NAV3: variants seen among roughly 807,000 people sequenced by gnomAD.
NAV3 encodes pore membrane and/or filament interacting like protein 1.
Under a neutral mutation model 244.7 loss-of-function variants are expected in NAV3, and 87 were observed. The ratio of observed to expected loss-of-function variants is 0.36; its 90% CI spans 0.30 to 0.42. The LOEUF (loss-of-function observed/expected upper bound fraction) is 0.42, where lower values mean the gene tolerates loss of function less well. Among genes scored for constraint, NAV3 ranks in the 20% least tolerant of loss-of-function variants. NAV3 has a pLI of 1.00. For missense variants in NAV3, 2,663 were observed against 2,893.3 expected, an observed-to-expected ratio of 0.92 and a Z score of 1.83; for synonymous variants, 1,126 against 1,042.2, an observed-to-expected ratio of 1.08 and a Z score of -1.55.
chr12:78,105,870 A>G (rs1309742716), intron 12 of NAV3, among the ~76,000 whole-genome samples: 2 of 151,610 alleles, frequency 1.3e-5, no homozygotes, highest in Admixed American at 6.6e-5. Context: ...TGAATTTGGC[A>G]TATGATATAA....
intron 9 of NAV3, among the ~76,000 whole-genome samples, chr12:78,032,389 A>G (rs1434616581): frequency 6.6e-6 from 1 of 152,210 alleles, no homozygotes; most frequent in Non-Finnish European, 1.5e-5. Flanking sequence ...AAGGTAATAA[A>G]TTATGGTTTG....
intron 2 of NAV3, among the ~76,000 whole-genome samples, chr12:77,719,610 A>G (rs1876519020): frequency 6.6e-6 from 1 of 152,068 alleles, no homozygotes; most frequent in Non-Finnish European, 1.5e-5. Context: ...TGAGTTACAT[A>G]TGTTCAACCC....
In NAV3 at chr12:77,880,581, A is replaced by G. The variant is rs529628376; in HGVS notation, c.243+48877A>G. Among the ~76,000 whole-genome samples the G allele has an allele frequency of 5.3e-5, 8 of 152,244 alleles. No individual in the cohort carries two copies. In the East Asian group the frequency reaches 1.5e-3, roughly 29 times the overall value. Reference sequence around the variant, plus strand: ...CCTACTCTGCCAATTATGACCAGAGATATTATAATTGCAGTAAGGTACTGC... The same window carrying G: ...CCTACTCTGCCAATTATGACCAGAGGTATTATAATTGCAGTAAGGTACTGC... On this transcript the variant is annotated intron_variant, in intron 1 of 39. Transcript: ENST00000397909.
intron 1 of NAV3, among the ~76,000 whole-genome samples, chr12:77,897,844 C>A (rs978290996): frequency 1.3e-5 from 2 of 152,120 alleles, no homozygotes; most frequent in Non-Finnish European, 2.9e-5. Context: ...GAGTGTGTAT[C>A]TTTGTATTTA....
At position 77,595,678 on chromosome 12, in the gene NAV3, A is replaced by G. The variant is rs570064962; in HGVS notation, c.72+23412A>G. Among the ~76,000 whole-genome samples the G allele has an allele frequency of 5.9e-5, 9 of 152,310 alleles. No homozygotes were observed. The East Asian group carries it at 1.2e-3, about 20-fold the overall frequency. ...TATAATTTTCATTACAAAAAAGAAC[A>G]TATCTTACCAATTTTTATCTTCTAG... On this transcript the variant is annotated intron_variant, in intron 2 of 8. Transcript: ENST00000550042.
chr12:77,739,625 T>C (rs572899542), intron 2 of NAV3, among the ~76,000 whole-genome samples: 1 of 152,162 alleles, frequency 6.6e-6, no homozygotes, highest in African/African-American at 2.4e-5. Context: ...AATTGTACCT[T>C]ACTGATTTAA....
chr12:77,722,678 A>G (rs1428579354), intron 2 of NAV3, among the ~76,000 whole-genome samples: 1 of 152,070 alleles, frequency 6.6e-6, no homozygotes, highest in Admixed American at 6.6e-5. Flanking sequence ...AAGAGTGTCC[A>G]GGCTGTTTCC....
In NAV3 at chr12:78,116,875, A is replaced by G. The variant is rs1416421164; in HGVS notation, c.2740A>G (p.Ile914Val). The G allele has an allele frequency of 1.2e-6, 2 of 1,613,238 alleles. No individual in the cohort carries two copies. The highest frequency in any genetic ancestry group is 1.7e-5 in the Admixed American group (1 of 59,956). The stretch of plus-strand genomic sequence containing the variant: ...ATCCTCTGTCAGCTCTTACTCCAAC[A>G]TCACCGTCCCCTCTAGGAAGAATAC... ...TTSSVSSYSN[I>V]TVPSRKNTQL... is the part of the protein sequence containing the mutation. The change falls in exon 13 of 40, where the codon ATC (isoleucine) becomes GTC (valine). Residue 914 changes from isoleucine (I) to valine (V), a missense_variant. Around this residue, in one of 6 missense-constraint regions of NAV3, gnomAD observed 1,521 missense variants for 1,497.0 expected, o/e 1.02. Coordinates refer to ENST00000397909, the MANE Select transcript of NAV3 (RefSeq NM_001024383.2).
chr12:78,185,739 A>T (rs2139807524), intron 31 of NAV3, 41 bp downstream of exon 31: 1 of 1,510,788 alleles, frequency 6.6e-7, no homozygotes, highest in Non-Finnish European at 9.1e-7. Context: ...TAACAATGAG[A>T]ATTACCATGA....
intron 5 of NAV3, among the ~76,000 whole-genome samples, chr12:77,985,344 T>G (rs1463638865): frequency 6.6e-6 from 1 of 152,214 alleles, no homozygotes; most frequent in Non-Finnish European, 1.5e-5. Flanking sequence ...AACACTGAAC[T>G]AAGTTTAGTT....
intron 7 of NAV3, among the ~76,000 whole-genome samples, chr12:78,004,641 G>A (rs1462384901): frequency 6.6e-6 from 1 of 152,164 alleles, no homozygotes; most frequent in East Asian, 1.9e-4. Flanking sequence ...GAAACTACAG[G>A]TGCTGCCATT....
chr12:78,032,719 T>C (rs1035220953), intron 9 of NAV3, among the ~76,000 whole-genome samples: 1 of 152,200 alleles, frequency 6.6e-6, no homozygotes, highest in African/African-American at 2.4e-5. Context: ...GCTGGCTGAA[T>C]TAATGGTACA....
At chr12:77,647,063 T>TAC (rs1436539187) in intron 2 of NAV3, among the ~76,000 whole-genome samples, 6 of 129,148 alleles carry the variant, frequency 4.6e-5, no homozygotes, top group Non-Finnish European at 9.7e-5. Flanking sequence ...TGAACATATA[T>TAC]ATATACACAC....
intron 5 of NAV3, among the ~76,000 whole-genome samples, chr12:77,985,549 G>A (rs1870347844): frequency 6.6e-6 from 1 of 151,434 alleles, no homozygotes; most frequent in Non-Finnish European, 1.5e-5. Flanking sequence ...CATTTTCCCA[G>A]GGTTTCTATT....
At chr12:78,157,394 G>GAAA (rs36115195) in intron 22 of NAV3, among the ~76,000 whole-genome samples, 1 of 107,208 alleles carries the variant, frequency 9.3e-6, no homozygotes. Context: ...TACAGAAAAT[G>GAAA]AAAAAAAAAA....
At chr12:77,745,565 G>A (rs964121919) in intron 2 of NAV3, among the ~76,000 whole-genome samples, 3 of 152,012 alleles carry the variant, frequency 2.0e-5, no homozygotes, top group Non-Finnish European at 4.4e-5. Context: ...CATAATCTCT[G>A]GAAATTAAGA....
At chr12:77,945,432 T>C (rs1890246911) in intron 3 of NAV3, among the ~76,000 whole-genome samples, 2 of 152,124 alleles carry the variant, frequency 1.3e-5, no homozygotes, top group Admixed American at 1.3e-4. Context: ...AACACAAATC[T>C]CTACATAGCA....
At chr12:77,933,495 G>T (rs1889024595) in intron 1 of NAV3, among the ~76,000 whole-genome samples, 1 of 152,130 alleles carries the variant, frequency 6.6e-6, no homozygotes, top group African/African-American at 2.4e-5. Context: ...GATCTTATGG[G>T]GTAGTCAACT....
chr12:77,800,952 A>T (rs1871674293), intron 2 of NAV3, among the ~76,000 whole-genome samples: 1 of 152,158 alleles, frequency 6.6e-6, no homozygotes, highest in Non-Finnish European at 1.5e-5. Context: ...ATAAGATTTT[A>T]TTAAAGAAGT....
Sources: gnomAD v4.1 joint callset for allele counts (sites outside exome capture counted in the v4.1 genomes callset) on GRCh38, gnomAD v4.1.1 for gene constraint, gnomAD v4.1.1 regional missense constraint, MANE v1.5 for transcripts, NCBI Gene and HGNC (gene_info 2026-07-23, HGNC 2026-07-21) for gene names.